MAPK10: variants seen among roughly 807,000 people sequenced by gnomAD.
The protein encoded by MAPK10 is mitogen-activated protein kinase 10.
A neutral mutation model predicts 59.3 loss-of-function variants in MAPK10; 25 were observed. That is an observed-to-expected ratio of 0.42 (90% CI 0.31 to 0.59). The LOEUF is 0.59. Among genes scored for constraint, MAPK10 ranks in the 20% least tolerant of loss-of-function variants. The probability of loss-of-function intolerance (pLI) is 0.15; values close to 1 mark genes in which losing one functional copy is unlikely to be tolerated. For missense variants in MAPK10, 351 were observed against 568.9 expected (o/e 0.62, Z 3.90); for synonymous variants, 190 against 200.5 (o/e 0.95, Z 0.44).
At chr4:86,490,985 G>A (rs533368080) in intron 1 of MAPK10, among the ~76,000 whole-genome samples, 2 of 152,136 alleles carry the variant, frequency 1.3e-5, no homozygotes, top group African/African-American at 4.8e-5. Flanking sequence ...CTTTAAAAAC[G>A]TGCTATCTAG....
At chr4:86,434,127 G>C (rs939849994) in intron 1 of MAPK10, among the ~76,000 whole-genome samples, 2 of 152,140 alleles carry the variant, frequency 1.3e-5, no homozygotes, top group African/African-American at 4.8e-5. Context: ...AAGGTACCAA[G>C]AACATGCAGT....
intron 2 of MAPK10, among the ~76,000 whole-genome samples, chr4:86,305,893 T>A (rs923956855): frequency 6.6e-6 from 1 of 152,038 alleles, no homozygotes; most frequent in Admixed American, 6.5e-5. Flanking sequence ...TGTAATACAC[T>A]TTTAATCAAG....
At chr4:86,216,788 C>A (rs2087781310) in intron 2 of MAPK10, among the ~76,000 whole-genome samples, 1 of 151,898 alleles carries the variant, frequency 6.6e-6, no homozygotes, top group African/African-American at 2.4e-5. Flanking sequence ...AAGAGTATTA[C>A]AATATGTCCC....
intron 3 of MAPK10, among the ~76,000 whole-genome samples, chr4:86,163,019 T>C (rs1281109565): frequency 1.3e-5 from 2 of 152,138 alleles, no homozygotes; most frequent in African/African-American, 4.8e-5. Flanking sequence ...CATAAACATA[T>C]AATTTCCTTT....
intron 4 of MAPK10, among the ~76,000 whole-genome samples, chr4:86,112,528 G>T (rs143980186): frequency 2.6e-5 from 4 of 152,290 alleles, no homozygotes; most frequent in African/African-American, 4.8e-5. Flanking sequence ...GTGGTTTTGA[G>T]TGAGTTTCTT....
At chr4:86,198,653 T>C (rs991858673) in intron 2 of MAPK10, among the ~76,000 whole-genome samples, 2 of 151,836 alleles carry the variant, frequency 1.3e-5, no homozygotes, top group Admixed American at 1.3e-4. Context: ...GAAGAAAATA[T>C]GGTTGACTGT....
intron 1 of MAPK10, among the ~76,000 whole-genome samples, chr4:86,498,178 A>T (rs1054447707): frequency 6.6e-6 from 1 of 152,198 alleles, no homozygotes; most frequent in Non-Finnish European, 1.5e-5. Flanking sequence ...TCGACTCTCA[A>T]AAGTGTCTTG....
intron 3 of MAPK10, among the ~76,000 whole-genome samples, chr4:86,165,400 C>T (rs1427819806): frequency 6.6e-6 from 1 of 151,990 alleles, no homozygotes; most frequent in Non-Finnish European, 1.5e-5. Flanking sequence ...CTTTTAGAAA[C>T]AGGGTCTCGC....
intron 4 of MAPK10, among the ~76,000 whole-genome samples, chr4:86,113,633 T>C (rs1232615242): frequency 6.6e-6 from 1 of 152,160 alleles, no homozygotes; most frequent in Non-Finnish European, 1.5e-5. Context: ...CCTTTCTCTT[T>C]GGCTGCTCTT....
chr4:86,053,828 A>G (rs1158316775), intron 11 of MAPK10, among the ~76,000 whole-genome samples: 1 of 152,110 alleles, frequency 6.6e-6, no homozygotes, highest in Non-Finnish European at 1.5e-5. Flanking sequence ...ATCTCACAAT[A>G]TCTCAGATAT....
rs114795897 is a variant in MAPK10, at chr4:86,121,779, C to T, written c.237-14427G>A. On this transcript the variant is annotated intron_variant, in intron 4 of 13. Transcript: ENST00000641462. ...TAAGTATACAATATATTCTTATGAA[C>T]TCTAGTCATTATGTTGTACAATAGA... 1.9e-3 allele frequency among the ~76,000 whole-genome samples: 292 copies of T among 152,148 alleles called. 2 individuals are homozygous for T. Among genetic ancestry groups the T allele is most frequent in the African/African-American group, 6.6e-3 (275 of 41,526 alleles).
chr4:86,378,598 T>C (rs1740182770), intron 1 of MAPK10, among the ~76,000 whole-genome samples: 2 of 152,252 alleles, frequency 1.3e-5, no homozygotes, highest in African/African-American at 4.8e-5. Flanking sequence ...CCTGGGCAAA[T>C]GCCCAAAATA....
At chr4:86,196,801 A>G (rs1417982672) in intron 2 of MAPK10, among the ~76,000 whole-genome samples, 1 of 152,180 alleles carries the variant, frequency 6.6e-6, no homozygotes, top group Non-Finnish European at 1.5e-5. Flanking sequence ...TCCTAACACC[A>G]TTTATTAAAT....
At chr4:86,207,633 T>C (rs1385042140) in intron 2 of MAPK10, among the ~76,000 whole-genome samples, 3 of 152,168 alleles carry the variant, frequency 2.0e-5, no homozygotes, top group African/African-American at 7.2e-5. Flanking sequence ...TAAATTACCT[T>C]GGGCAGTGTG....
intron 1 of MAPK10, among the ~76,000 whole-genome samples, chr4:86,424,321 C>T (rs1746978818): frequency 6.6e-6 from 1 of 152,144 alleles, no homozygotes; most frequent in Non-Finnish European, 1.5e-5. Flanking sequence ...TCCCAAGTAG[C>T]TGGGATTACA....
At chr4:86,285,927 A>T (rs1400397916) in intron 2 of MAPK10, among the ~76,000 whole-genome samples, 1 of 152,134 alleles carries the variant, frequency 6.6e-6, no homozygotes, top group African/African-American at 2.4e-5. Context: ...AACAGAAACA[A>T]ATTCCGCCTT....
upstream of MAPK10, among the ~76,000 whole-genome samples, chr4:86,457,543 T>G (rs1751344396): frequency 6.6e-6 from 1 of 152,084 alleles, no homozygotes. Context: ...AATCAAGAAT[T>G]CAACCTTTTT....
intron 2 of MAPK10, among the ~76,000 whole-genome samples, chr4:86,197,969 T>A (rs2081757432): frequency 6.6e-6 from 1 of 152,152 alleles, no homozygotes; most frequent in Admixed American, 6.6e-5. Flanking sequence ...CCTGATTATG[T>A]CAAGGTAAGC....
intron 1 of MAPK10, among the ~76,000 whole-genome samples, chr4:86,539,066 G>C (rs1758472220): frequency 6.6e-6 from 1 of 152,042 alleles, no homozygotes; most frequent in Admixed American, 6.6e-5. Context: ...TATGAGGTGG[G>C]CTTGCAAAAA....
Sources: allele counts gnomAD v4.1 joint callset (sites outside exome capture counted in the v4.1 genomes callset), GRCh38; gene constraint gnomAD v4.1.1; transcripts MANE v1.5; gene names NCBI Gene and HGNC (gene_info 2026-07-23, HGNC 2026-07-21).